The following OSBPL10 variants were observed in gnomAD, a reference collection of about 807,000 sequenced individuals.
The protein encoded by OSBPL10 is oxysterol-binding protein-related protein 10.
In OSBPL10, 49 loss-of-function variants were observed where a neutral mutation model predicts 81.7. That is an observed-to-expected ratio of 0.60 (90% confidence interval 0.48 to 0.76). The LOEUF (loss-of-function observed/expected upper bound fraction) is 0.76. Among genes scored for constraint, OSBPL10 ranks in the 30% least tolerant of loss-of-function variants. The pLI is 0.00. For missense variants in OSBPL10, 923 were observed against 987.8 expected (o/e 0.93, Z 0.88); for synonymous variants, 419 against 383.6 (o/e 1.09, Z -1.08).
intron 1 of OSBPL10, chr3:31,969,432 G>C (rs1487245267): frequency 6.6e-6 from 1 of 152,266 alleles, no homozygotes; most frequent in Non-Finnish European, 1.5e-5. Flanking sequence ...TTTTGGAAGA[G>C]GAAAAACCAC....
At chr3:31,870,142 G>A (rs892570553) in intron 3 of OSBPL10, among the ~76,000 whole-genome samples, 7 of 152,246 alleles carry the variant, frequency 4.6e-5, no homozygotes, top group Admixed American at 6.5e-5. Context: ...AGGGGGAACC[G>A]GGGCTGCGCA....
At chr3:31,830,001 C>T (rs1046109306) in intron 4 of OSBPL10, 39 bp downstream of exon 4, 1 of 1,567,086 alleles carries the variant, frequency 6.4e-7, no homozygotes, top group Non-Finnish European at 8.7e-7. Context: ...GCCCCCAACT[C>T]CCCGGGGCTG....
chr3:31,806,203 G>T (rs73059413), intron 4 of OSBPL10, among the ~76,000 whole-genome samples: 22,439 of 152,064 alleles, frequency 0.15, 1,839 homozygotes, highest in Middle Eastern at 0.18. Flanking sequence ...GAGAGCCTAC[G>T]CCCTTGTTCC....
chr3:31,907,939 G>C (rs1028506460), intron 1 of OSBPL10, among the ~76,000 whole-genome samples: 2 of 152,146 alleles, frequency 1.3e-5, no homozygotes, highest in African/African-American at 4.8e-5. Flanking sequence ...AATAAAACAG[G>C]CTACAGTGTT....
intron 6 of OSBPL10, among the ~76,000 whole-genome samples, chr3:31,720,881 C>CAAAAAAAAAAA (rs61492992): frequency 1.1e-4 from 7 of 66,308 alleles, no homozygotes; most frequent in African/African-American, 2.5e-4. Context: ...GACTCTGTCT[C>CAAAAAAAAAAA]AAAAAAAAAA....
chr3:31,891,718 G>T (rs1695896671), intron 1 of OSBPL10, among the ~76,000 whole-genome samples: 1 of 152,084 alleles, frequency 6.6e-6, no homozygotes, highest in South Asian at 2.1e-4. Flanking sequence ...TATTTGGCAG[G>T]GGCTCACACT....
At chr3:31,991,775 A>G (rs1699033576) in intron 2 of OSBPL10, 1 of 152,614 alleles carries the variant, frequency 6.6e-6, no homozygotes, top group African/African-American at 2.4e-5. Context: ...TTTGATCCTT[A>G]TGTTTTGGGA....
At chr3:31,766,329 GTT>G (rs148986285) in intron 4 of OSBPL10, among the ~76,000 whole-genome samples, 13 of 22,634 alleles carry the variant, frequency 5.7e-4, no homozygotes, top group African/African-American at 8.5e-4. Context: ...TAGTTTTTTT[GTT>G]TTTTTGTTTT....
chr3:32,072,206 C>T (rs935437527), intron 1 of OSBPL10, among the ~76,000 whole-genome samples: 5 of 152,168 alleles, frequency 3.3e-5, no homozygotes, highest in Admixed American at 6.5e-5. Context: ...GGTCCTCCAT[C>T]GTCAAAGCCT....
intron 8 of OSBPL10, among the ~76,000 whole-genome samples, chr3:31,681,050 T>C (rs1700628521): frequency 2.0e-5 from 3 of 152,198 alleles, no homozygotes; most frequent in Admixed American, 1.3e-4. Flanking sequence ...CCCCCACAGA[T>C]ACAACCCACC....
chr3:31,869,536 TC>T lies in OSBPL10; in HGVS notation c.537+6896del, dbSNP rs375081388. On this transcript the variant is annotated intron_variant, in intron 3 of 11. Transcript: ENST00000396556. ...TCAATTTAGAAGATTGAGGAAGGAT[TC>T]CTTTGATTACATAAAGATTGCAGAC... Among the ~76,000 whole-genome samples the T allele has an allele frequency of 5.3e-5, 8 of 152,334 alleles. No homozygotes were observed. In the South Asian group the frequency reaches 1.7e-3, roughly 32 times the overall value.
chr3:31,708,918 T>C (rs1696163292), intron 6 of OSBPL10: 1 of 985,480 alleles, frequency 1.0e-6, no homozygotes, highest in East Asian at 1.1e-4. Context: ...GTATAGCTGG[T>C]ACCCCTTGGC....
chr3:31,716,374 T>A (rs1696434604), intron 6 of OSBPL10, among the ~76,000 whole-genome samples: 4 of 152,142 alleles, frequency 2.6e-5, no homozygotes, highest in Admixed American at 1.3e-4. Context: ...GTACAACAGA[T>A]CTCTAGGACT....
intron 6 of OSBPL10, among the ~76,000 whole-genome samples, chr3:31,707,822 A>T (rs756171926): frequency 6.6e-6 from 1 of 152,212 alleles, no homozygotes; most frequent in Non-Finnish European, 1.5e-5. Context: ...AATGGCCACC[A>T]GGGCAAGTGT....
intron 4 of OSBPL10, among the ~76,000 whole-genome samples, chr3:31,779,543 T>G (rs1698633625): frequency 6.6e-6 from 1 of 152,084 alleles, no homozygotes; most frequent in Non-Finnish European, 1.5e-5. Flanking sequence ...CACCTGGAGC[T>G]CCCAAATTTA....
chr3:31,907,962 A>G (rs1351102611), intron 1 of OSBPL10, among the ~76,000 whole-genome samples: 1 of 152,170 alleles, frequency 6.6e-6, no homozygotes, highest in African/African-American at 2.4e-5. Flanking sequence ...AGGCTGGGAA[A>G]AGGCTGCGGT....
intron 4 of OSBPL10, among the ~76,000 whole-genome samples, chr3:31,750,975 A>G (rs569836589): frequency 8.1e-4 from 123 of 152,296 alleles, no homozygotes; most frequent in Non-Finnish European, 1.4e-3. Flanking sequence ...CAACAGATGC[A>G]CGTGCTCAGA....
At chr3:31,971,024 T>TTC (rs957690690) in intron 1 of OSBPL10, among the ~76,000 whole-genome samples, 1 of 152,154 alleles carries the variant, frequency 6.6e-6, no homozygotes, top group Non-Finnish European at 1.5e-5. Context: ...CTGCCCTTTA[T>TTC]TCCCAAGTGG....
At chr3:32,034,943 T>C (rs140598699) in intron 2 of OSBPL10, among the ~76,000 whole-genome samples, 1 of 152,238 alleles carries the variant, frequency 6.6e-6, no homozygotes, top group African/African-American at 2.4e-5. Flanking sequence ...GAAGTTATCA[T>C]GTATATAAAT....
Sources: allele counts gnomAD v4.1 joint callset (sites outside exome capture counted in the v4.1 genomes callset), GRCh38; gene constraint gnomAD v4.1.1; transcripts MANE v1.5; gene names NCBI Gene and HGNC (gene_info 2026-07-23, HGNC 2026-07-21).